The following PDZD2 variants were observed in gnomAD, a reference collection of about 807,000 sequenced individuals.
PDZD2 encodes the protein PDZ domain-containing protein 2.
In PDZD2, 90 loss-of-function variants were observed where a neutral mutation model predicts 220.7. The ratio of observed to expected loss-of-function variants is 0.41; its 90% CI spans 0.34 to 0.49. PDZD2 has a LOEUF of 0.49. Ranked by LOEUF, PDZD2 falls within the 20% of genes least tolerant of loss-of-function variation. PDZD2 has a pLI of 0.28. For missense variants in PDZD2, 3,174 were observed against 3,608.5 expected, an observed-to-expected ratio of 0.88 and a Z score of 3.08; for synonymous variants, 1,375 against 1,450.5, an observed-to-expected ratio of 0.95 and a Z score of 1.18.
intron 2 of PDZD2, among the ~76,000 whole-genome samples, chr5:31,938,658 T>C (rs928923947): frequency 6.8e-6 from 1 of 147,700 alleles, no homozygotes; most frequent in East Asian, 2.0e-4. Flanking sequence ...TGTTGCCACT[T>C]TGGAAAAAAA....
At chr5:31,718,305 G>C (rs148251008) in intron 1 of PDZD2, among the ~76,000 whole-genome samples, 71 of 152,312 alleles carry the variant, frequency 4.7e-4, no homozygotes, top group African/African-American at 1.6e-3. Flanking sequence ...ACTGAGGCAA[G>C]AGGCAGATGG....
intron 23 of PDZD2, 172 bp from the exon 24 acceptor site, chr5:32,100,933 A>G (rs1028328786): frequency 5.6e-6 from 9 of 1,598,352 alleles, no homozygotes; most frequent in African/African-American, 2.7e-5. Flanking sequence ...TGGGAGGCCA[A>G]CAGTGCTACT....
In PDZD2 at chr5:32,000,101, C is replaced by T. The variant is rs1431597016; in HGVS notation, c.1122-38C>T. ...ATGGCCCTTCTCAGGCCCAGAATGT[C>T]TTGACAAGGGATCTTTTTCCCATCT... On this transcript the variant is annotated intron_variant, in intron 4 of 24. Coordinates refer to ENST00000438447, the MANE Select transcript of PDZD2 (RefSeq NM_178140.4). This position sits in a 1 kb window ranked among gnomAD's most constrained non-coding sequence, Gnocchi z 4.5. 1.2e-6 allele frequency: 2 copies of T among 1,609,070 alleles called. No homozygotes were observed. Among genetic ancestry groups the T allele is most frequent in the Non-Finnish European group, 1.7e-6 (2 of 1,176,430 alleles).
intron 6 of PDZD2, chr5:32,010,750 C>T: frequency 4.4e-6 from 2 of 452,426 alleles, no homozygotes; most frequent in Non-Finnish European, 4.3e-6. Context: ...AATGCCAGCA[C>T]TTTTGGAGGC....
chr5:31,668,299 G>C (rs1235602935), intron 1 of PDZD2, among the ~76,000 whole-genome samples: 1 of 152,228 alleles, frequency 6.6e-6, no homozygotes, highest in African/African-American at 2.4e-5. Flanking sequence ...TTCAGAGAAA[G>C]CCAATGGAAG....
Position 31,995,672 on chromosome 5 carries a change from C to T in PDZD2, c.1075C>T (p.His359Tyr), listed in dbSNP as rs777623136. The change falls in exon 4 of 25, where the codon CAC becomes TAC. Residue 359 changes from histidine (H) to tyrosine (Y), a missense_variant. His to Tyr is a moderately conservative substitution (Grantham distance 83, BLOSUM62 2). Around this residue, in one of 4 missense-constraint regions of PDZD2, gnomAD observed 632 missense variants for 708.1 expected, o/e 0.89. Coordinates refer to ENST00000438447, the MANE Select transcript of PDZD2 (RefSeq NM_178140.4). The part of the protein sequence containing the change: ...SGGRGSKRSP[H>Y]AIVVTQVKEG... The stretch of plus-strand genomic sequence containing the variant: ...AGGCCGAGGATCAAAGCGCTCACCT[C>T]ACGCTATCGTTGTCACTCAAGTGAA... 2 of 1,614,098 alleles carry T rather than the reference C, an allele frequency of 1.2e-6. No homozygotes were observed. The highest frequency in any genetic ancestry group is 1.7e-6 in the Non-Finnish European group (2 of 1,180,036).
Position 32,110,145 on chromosome 5 carries a change from T to G in PDZD2, c.*2010T>G, listed in dbSNP as rs1745242698. On this transcript the variant is annotated 3_prime_UTR_variant, in exon 25 of 25. Coordinates refer to ENST00000438447, the MANE Select transcript of PDZD2 (RefSeq NM_178140.4). The stretch of plus-strand genomic sequence containing the variant: ...CAAGTCAACAACACTGAAAACTGCT[T>G]TTCGCCTCCACTCTTACAGCTGTGC... 6.6e-6 allele frequency: 1 copy of G among 152,652 alleles called. No individual in the cohort carries two copies. The highest frequency in any genetic ancestry group is 1.5e-5 in the Non-Finnish European group (1 of 68,030). The allele number at this position is 152,652 out of a possible 1,614,324, so 9.5% of individuals were successfully genotyped here.
chr5:32,028,613 C>A (rs1473330616), intron 6 of PDZD2, among the ~76,000 whole-genome samples: 1 of 151,762 alleles, frequency 6.6e-6, no homozygotes, highest in Non-Finnish European at 1.5e-5. Flanking sequence ...AAAACCAAAG[C>A]CCTTAATGGC....
intron 1 of PDZD2, among the ~76,000 whole-genome samples, chr5:31,722,275 C>T (rs1748854393): frequency 6.6e-6 from 1 of 152,276 alleles, no homozygotes; most frequent in South Asian, 2.1e-4. Flanking sequence ...CTGCTCCTCC[C>T]TCTCACCTTG....
chr5:31,706,236 T>A (rs1168010980), intron 1 of PDZD2, among the ~76,000 whole-genome samples: 1 of 152,156 alleles, frequency 6.6e-6, no homozygotes, highest in Non-Finnish European at 1.5e-5. Flanking sequence ...ACATTGCTAG[T>A]GGCCAGATGT....
chr5:31,686,586 C>T (rs1444143090), intron 1 of PDZD2, among the ~76,000 whole-genome samples: 2 of 152,048 alleles, frequency 1.3e-5, no homozygotes, highest in African/African-American at 4.8e-5. Context: ...AGGCTAGTCT[C>T]GAACTCCTGA....
chr5:32,046,236 GTTTTGT>G (rs1003799047), intron 7 of PDZD2, among the ~76,000 whole-genome samples: 8 of 152,040 alleles, frequency 5.3e-5, no homozygotes, highest in Admixed American at 2.6e-4. Context: ...TACTATAGAA[GTTTTGT>G]TTTTGTTTTT....
chr5:31,675,827 G>T (rs1161320566), intron 1 of PDZD2, among the ~76,000 whole-genome samples: 1 of 152,148 alleles, frequency 6.6e-6, no homozygotes, highest in East Asian at 1.9e-4. Flanking sequence ...CTTGCAAGTA[G>T]CTGGGATGGG....
chr5:32,017,309 C>T (rs1279849155), intron 6 of PDZD2, among the ~76,000 whole-genome samples: 1 of 152,064 alleles, frequency 6.6e-6, no homozygotes, highest in Non-Finnish European at 1.5e-5. Context: ...TGTGGTGGCT[C>T]ACGCCTGTAA....
At chr5:31,667,059 AC>A (rs1317314418) in intron 1 of PDZD2, among the ~76,000 whole-genome samples, 2 of 151,766 alleles carry the variant, frequency 1.3e-5, no homozygotes, top group African/African-American at 2.4e-5. Flanking sequence ...ACACGGTGAA[AC>A]CCCGTCTCTA....
At chr5:32,022,364 ATT>A (rs59655326) in intron 6 of PDZD2, among the ~76,000 whole-genome samples, 3 of 137,394 alleles carry the variant, frequency 2.2e-5, no homozygotes, top group Admixed American at 7.3e-5. Flanking sequence ...CTCACAGCTA[ATT>A]TTTTTTTTTT....
intron 1 of PDZD2, among the ~76,000 whole-genome samples, chr5:31,672,281 G>A (rs1746244607): frequency 6.6e-6 from 1 of 152,196 alleles, no homozygotes; most frequent in Non-Finnish European, 1.5e-5. Flanking sequence ...CTGAGAGTCT[G>A]CATTTCTGTT....
rs202211868 is a variant in PDZD2 at position 31,729,344 on chromosome 5, G to A, written c.-360-69545G>A. Among the ~76,000 whole-genome samples, 102 of 151,860 alleles carry A rather than the reference G, an allele frequency of 6.7e-4. 1 individual carries two copies. In the East Asian group the frequency reaches 0.018, roughly 26 times the overall value. On this transcript the variant is annotated intron_variant, in intron 1 of 24. Coordinates refer to ENST00000438447, the MANE Select transcript of PDZD2 (RefSeq NM_178140.4). The stretch of plus-strand genomic sequence containing the variant: ...ACTCCTGACCTCAGGTGATCCACCC[G>A]CCTCGGCCTCCCAAAGTGCTGGGAT...
At position 31,977,744 on chromosome 5, in the gene PDZD2, G is replaced by A. The variant is rs13182019; in HGVS notation, c.477-5411G>A. On this transcript the variant is annotated intron_variant, in intron 2 of 24. Transcript: ENST00000438447. The stretch of plus-strand genomic sequence containing the variant: ...TTCCAGCACTTTGGGAGGCTGAGGC[G>A]GGCGGATCACTTGAGGCCAGGAGTT... 4.5e-3 allele frequency among the ~76,000 whole-genome samples: 678 copies of A among 152,232 alleles called. 3 individuals carry two copies. Among genetic ancestry groups the A allele is most frequent in the Non-Finnish European group, 7.8e-3 (528 of 68,020 alleles).
Sources: allele counts gnomAD v4.1 joint callset (sites outside exome capture counted in the v4.1 genomes callset), GRCh38; gene constraint gnomAD v4.1.1; regional missense constraint gnomAD v4.1.1; non-coding constraint Gnocchi (gnomAD v3.1); transcripts MANE v1.5; gene names NCBI Gene and HGNC (gene_info 2026-07-23, HGNC 2026-07-21).